Variants in LRP1B observed in about 807,000 individuals in gnomAD.
The protein encoded by LRP1B is LDL receptor related protein 1B, also known as low-density lipoprotein receptor-related protein 1B.
A neutral mutation model predicts 556.6 loss-of-function variants in LRP1B; 217 were observed. The observed-to-expected ratio is 0.39, with a 90% CI of 0.35 to 0.44. LRP1B has a LOEUF of 0.44. Among genes scored for constraint, LRP1B ranks in the 20% least tolerant of loss-of-function variants. The pLI, the probability that LRP1B is intolerant of heterozygous loss-of-function variation, is 1.00. For synonymous variants in LRP1B, 2,047 were observed against 1,865.8 expected (o/e 1.10, Z -2.50); for missense variants, 5,053 against 5,620.8 (o/e 0.90, Z 3.23).
intron 85 of LRP1B, among the ~76,000 whole-genome samples, chr2:140,271,749 A>G (rs1682471822): frequency 6.6e-6 from 1 of 151,910 alleles, no homozygotes; most frequent in Non-Finnish European, 1.5e-5. Context: ...TACAGAGACT[A>G]TCCCATCCTT....
intron 3 of LRP1B, among the ~76,000 whole-genome samples, chr2:141,428,596 T>A (rs537522170): frequency 6.6e-6 from 1 of 152,282 alleles, no homozygotes; most frequent in Admixed American, 6.5e-5. Context: ...AATTGTCTAA[T>A]ATGTTTTCTG....
At chr2:140,965,141 C>T (rs74503911) in intron 18 of LRP1B, among the ~76,000 whole-genome samples, 4,964 of 152,204 alleles carry the variant, frequency 0.033, 100 homozygotes, top group East Asian at 0.049. Context: ...CAATATAGGG[C>T]ATATTAAAGT....
intron 18 of LRP1B, among the ~76,000 whole-genome samples, chr2:140,965,208 C>T (rs1696167334): frequency 6.6e-6 from 1 of 152,116 alleles, no homozygotes; most frequent in South Asian, 2.1e-4. Flanking sequence ...CGAATTCTAA[C>T]CCCCAGGACC....
Position 140,716,828 on chromosome 2 carries a change from ACACAG to A in LRP1B, c.5759-17_5759-13del. Reference sequence around the variant, plus strand: ...GATGGTATCATTTTCTATGGATAAGACACAGAAAAAAAATACATATACACACACTG... The same window carrying A: ...GATGGTATCATTTTCTATGGATAAGAAAAAAAAATACATATACACACACTG... On this transcript the variant is annotated splice_polypyrimidine_tract_variant and intron_variant, in intron 35 of 90. Coordinates refer to ENST00000389484, the MANE Select transcript of LRP1B (RefSeq NM_018557.3). 6.6e-7 allele frequency: 1 copy of A among 1,524,230 alleles called. No homozygotes were observed. Among genetic ancestry groups the A allele is most frequent in the South Asian group, 1.1e-5 (1 of 87,818 alleles). The allele number at this position is 1,524,230 out of a possible 1,614,324, so 94.4% of individuals were successfully genotyped here.
intron 7 of LRP1B, among the ~76,000 whole-genome samples, chr2:141,153,375 AAT>A (rs1157267720): frequency 5.8e-5 from 6 of 103,558 alleles, no homozygotes; most frequent in African/African-American, 1.8e-4. Context: ...TATATATAAT[AAT>A]ATATATAAGC....
At chr2:140,270,151 A>T (rs1257570053) in intron 86 of LRP1B, 91 bp downstream of exon 86, 2 of 889,212 alleles carry the variant, frequency 2.2e-6, no homozygotes, top group Non-Finnish European at 3.7e-6. Flanking sequence ...CTCATTTAAA[A>T]TTACCCCAGA....
At chr2:140,700,101 G>C (rs1178578473) in intron 41 of LRP1B, 149 bp downstream of exon 41, 2 of 658,444 alleles carry the variant, frequency 3.0e-6, no homozygotes, top group African/African-American at 1.9e-5. Context: ...GGGGGGGTGG[G>C]GGGTGAGGGT....
At chr2:141,873,311 T>A (rs2105802836) in intron 1 of LRP1B, among the ~76,000 whole-genome samples, 1 of 151,832 alleles carries the variant, frequency 6.6e-6, no homozygotes, top group African/African-American at 2.4e-5. Flanking sequence ...TACAAAAAAA[T>A]TAGTGGGGTA....
At chr2:140,849,200 C>CAAAAAAAAAAAAA (rs70988447) in intron 29 of LRP1B, among the ~76,000 whole-genome samples, 115 of 100,454 alleles carry the variant, frequency 1.1e-3, no homozygotes, top group Non-Finnish European at 1.6e-3. Context: ...ACTAAAAATA[C>CAAAAAAAAAAAAA]AAAAAAAAAA....
intron 66 of LRP1B, among the ~76,000 whole-genome samples, chr2:140,421,138 C>A (rs955959738): frequency 6.6e-6 from 1 of 152,012 alleles, no homozygotes; most frequent in African/African-American, 2.4e-5. Context: ...TGTCTGTAGT[C>A]CATCCACTCG....
intron 3 of LRP1B, among the ~76,000 whole-genome samples, chr2:141,437,939 T>C (rs1680823682): frequency 2.0e-5 from 3 of 152,102 alleles, no homozygotes; most frequent in Admixed American, 1.3e-4. Context: ...CAAGTAATTG[T>C]TTACATATTA....
rs1699900160 is a variant in LRP1B at position 141,911,231 on chromosome 2, A to G, written c.83-100830T>C. Among the ~76,000 whole-genome samples, 4 of 152,166 alleles carry G rather than the reference A, an allele frequency of 2.6e-5. 1 individual carries two copies. The South Asian group carries it at 8.3e-4, about 32-fold the overall frequency. On this transcript the variant is annotated intron_variant, in intron 1 of 90. Coordinates refer to ENST00000389484, the MANE Select transcript of LRP1B (RefSeq NM_018557.3). ...AATATGGCAACAAGAGTGACCTCAA[A>G]CCGGTTTTGTATTACATTTAATGCA...
intron 32 of LRP1B, among the ~76,000 whole-genome samples, chr2:140,791,355 G>A (rs952415270): frequency 6.6e-6 from 1 of 152,034 alleles, no homozygotes; most frequent in African/African-American, 2.4e-5. Context: ...CCTGAGCCCA[G>A]GGTGTTGAGG....
At chr2:140,236,329 A>G (rs1447429561) in intron 89 of LRP1B, among the ~76,000 whole-genome samples, 1 of 150,914 alleles carries the variant, frequency 6.6e-6, no homozygotes, top group Non-Finnish European at 1.5e-5. Context: ...GATATTTACA[A>G]TGTAAAAGTG....
chr2:140,964,401 A>G (rs13008092), intron 18 of LRP1B, among the ~76,000 whole-genome samples: 56,430 of 151,786 alleles, frequency 0.37, 10,813 homozygotes, highest in East Asian at 0.52. Context: ...AAACTCCCCC[A>G]GGGAAAGGGA....
intron 41 of LRP1B, among the ~76,000 whole-genome samples, chr2:140,678,881 G>A (rs577121377): frequency 1.8e-4 from 28 of 151,616 alleles, no homozygotes; most frequent in Middle Eastern, 3.4e-3. Context: ...ATGTTCAAGC[G>A]ATTCACCTGC....
chr2:141,895,121 A>C (rs980603773), intron 1 of LRP1B, among the ~76,000 whole-genome samples: 2 of 152,040 alleles, frequency 1.3e-5, no homozygotes, highest in Non-Finnish European at 2.9e-5. Flanking sequence ...AACTAATTTG[A>C]ACAAACACAT....
intron 7 of LRP1B, among the ~76,000 whole-genome samples, chr2:141,086,495 C>G (rs1700049394): frequency 6.6e-6 from 1 of 151,906 alleles, no homozygotes; most frequent in Non-Finnish European, 1.5e-5. Context: ...AGTTCCTGGA[C>G]CTTTTAAGTT....
At chr2:140,950,428 A>T (rs2105300396) in intron 19 of LRP1B, 26 bp from the exon 20 acceptor site, 2 of 1,564,010 alleles carry the variant, frequency 1.3e-6, no homozygotes, top group Non-Finnish European at 1.7e-6. Flanking sequence ...AACATGAGGC[A>T]GTGAAATCTG....
Sources: allele counts gnomAD v4.1 joint callset (sites outside exome capture counted in the v4.1 genomes callset), GRCh38; gene constraint gnomAD v4.1.1; transcripts MANE v1.5; gene names NCBI Gene and HGNC (gene_info 2026-07-23, HGNC 2026-07-21).